Variants in HMBOX1 observed in about 807,000 individuals in gnomAD.
HMBOX1 encodes homeobox-containing protein 1.
In HMBOX1, 14 loss-of-function variants were observed where a neutral mutation model predicts 54.5. That is an observed-to-expected ratio of 0.26 (90% CI 0.17 to 0.40). The LOEUF is 0.40. HMBOX1 is among the 10% of genes least tolerant of loss of function. The pLI, the probability that HMBOX1 is intolerant of heterozygous loss-of-function variation, is 1.00. For synonymous variants in HMBOX1, 160 were observed against 181.0 expected (o/e 0.88, Z 0.93); for missense variants, 332 against 514.4 (o/e 0.65, Z 3.43).
At chr8:28,950,913 C>A in intron 1 of HMBOX1, among the ~76,000 whole-genome samples, 1 of 152,142 alleles carries the variant, frequency 6.6e-6, no homozygotes, top group East Asian at 1.9e-4. Flanking sequence ...GTAATCAAGA[C>A]CTATAATTCC....
chr8:29,003,591 T>C (rs964903188), intron 4 of HMBOX1, among the ~76,000 whole-genome samples: 25 of 141,422 alleles, frequency 1.8e-4, no homozygotes, highest in African/African-American at 6.5e-4. Flanking sequence ...TGCATATTTT[T>C]CTGTATTAAA....
chr8:29,041,605 G>A (rs1054076568), intron 6 of HMBOX1, among the ~76,000 whole-genome samples: 3 of 152,002 alleles, frequency 2.0e-5, no homozygotes, highest in South Asian at 4.1e-4. Context: ...GGGATTCATA[G>A]GGCAAAAAAA....
chr8:28,918,720 C>T (rs185640051), intron 1 of HMBOX1, among the ~76,000 whole-genome samples: 50 of 152,242 alleles, frequency 3.3e-4, no homozygotes, highest in East Asian at 3.1e-3. Flanking sequence ...ACCAGCACGC[C>T]GAGTTTAAGT....
intron 9 of HMBOX1, 138 bp downstream of exon 9, chr8:29,049,186 G>T: frequency 6.7e-7 from 1 of 1,501,634 alleles, no homozygotes; most frequent in African/African-American, 1.4e-5. Flanking sequence ...CCTGTGTCTA[G>T]TTAGATTTCA....
chr8:29,006,386 C>T (rs907324290), intron 4 of HMBOX1, among the ~76,000 whole-genome samples: 1 of 152,106 alleles, frequency 6.6e-6, no homozygotes, highest in Non-Finnish European at 1.5e-5. Flanking sequence ...TTTGAACATA[C>T]TTCTATTGAG....
rs1827193449 is a variant in HMBOX1 at position 28,970,457 on chromosome 8, A to G, written c.438A>G (p.Ser146=). 6.2e-7 allele frequency: 1 copy of G among 1,613,922 alleles called. No homozygotes were observed. Among genetic ancestry groups the G allele is most frequent in the Non-Finnish European group, 8.5e-7 (1 of 1,179,990 alleles). Residue 146 remains serine, a synonymous_variant, in exon 3 of 10, where the codon TCA becomes TCG. Transcript: ENST00000287701. This position sits in a 1 kb window ranked among gnomAD's most constrained non-coding sequence, Gnocchi z 4.3. ...ATGCAAACAGCATGGGTCAGAGGTC[A>G]TACAGTTTTGAAGCCTCAGAAGAGG... ...RYHANSMGQR[S]YSFEASEEDL...
At chr8:28,936,330 C>A (rs1337655829) in intron 1 of HMBOX1, among the ~76,000 whole-genome samples, 2 of 151,982 alleles carry the variant, frequency 1.3e-5, no homozygotes, top group African/African-American at 4.8e-5. Flanking sequence ...CAGTCCCTTT[C>A]ACCAGTATTA....
At chr8:28,898,539 A>G (rs940948201) in intron 1 of HMBOX1, among the ~76,000 whole-genome samples, 1 of 152,200 alleles carries the variant, frequency 6.6e-6, no homozygotes, top group African/African-American at 2.4e-5. Flanking sequence ...AATGGGAGAA[A>G]CGTTAGGAAT....
At chr8:29,007,642 C>T (rs1833652599) in intron 4 of HMBOX1, among the ~76,000 whole-genome samples, 1 of 151,990 alleles carries the variant, frequency 6.6e-6, no homozygotes. Context: ...CATTGTGAGA[C>T]CCTGTCTCTA....
At chr8:28,961,871 G>A (rs1030732954) in intron 1 of HMBOX1, among the ~76,000 whole-genome samples, 1 of 148,888 alleles carries the variant, frequency 6.7e-6, no homozygotes, top group African/African-American at 2.5e-5. Context: ...ATAAATAATA[G>A]GCATTCGAAT....
chr8:28,918,286 C>G (rs1313171422), intron 1 of HMBOX1, among the ~76,000 whole-genome samples: 3 of 152,226 alleles, frequency 2.0e-5, no homozygotes, highest in Admixed American at 6.5e-5. Flanking sequence ...TCACCACAAC[C>G]TCTGCCTCCC....
At chr8:29,009,289 T>C in intron 5 of HMBOX1, 107 bp downstream of exon 5, 2 of 1,082,200 alleles carry the variant, frequency 1.8e-6, no homozygotes, top group Non-Finnish European at 2.7e-6. Flanking sequence ...TTTCATACTT[T>C]ACTATGGTTG....
intron 6 of HMBOX1, among the ~76,000 whole-genome samples, chr8:29,030,183 T>G (rs1802716717): frequency 6.6e-6 from 1 of 151,734 alleles, no homozygotes; most frequent in Non-Finnish European, 1.5e-5. Flanking sequence ...GTTCCAGTTT[T>G]TTTTTTTTTT....
intron 6 of HMBOX1, among the ~76,000 whole-genome samples, chr8:29,023,729 G>A (rs1257400858): frequency 6.6e-6 from 1 of 152,126 alleles, no homozygotes; most frequent in Non-Finnish European, 1.5e-5. Context: ...AGATTGATCA[G>A]TGAATTCAGT....
At chr8:28,981,770 G>A (rs1829373707) in intron 4 of HMBOX1, among the ~76,000 whole-genome samples, 1 of 151,932 alleles carries the variant, frequency 6.6e-6, no homozygotes, top group African/African-American at 2.4e-5. Context: ...CATTTCTTGA[G>A]CATATCTAAA....
At chr8:28,907,806 G>A (rs1197628998) in intron 1 of HMBOX1, among the ~76,000 whole-genome samples, 3 of 151,476 alleles carry the variant, frequency 2.0e-5, no homozygotes, top group Non-Finnish European at 4.4e-5. Flanking sequence ...TTGGGACATC[G>A]TGTTGTATAC....
chr8:28,970,720 T>C lies in HMBOX1; in HGVS notation c.500+201T>C. 1 of 480,766 alleles carries C rather than the reference T, an allele frequency of 2.1e-6. No individual in the cohort carries two copies. Among genetic ancestry groups the C allele is most frequent in the Non-Finnish European group, 3.6e-6 (1 of 274,844 alleles). The allele number at this position is 480,766 out of a possible 1,614,324, so 29.8% of individuals were successfully genotyped here. ...TGTTTTTAATTTAAATTTTCTCTTCTTTACTTCAGCCCTTTCTCTTTGCTG... is the reference window on the plus strand; with the variant it reads ...TGTTTTTAATTTAAATTTTCTCTTCCTTACTTCAGCCCTTTCTCTTTGCTG... On this transcript the variant is annotated intron_variant, in intron 3 of 9. Transcript: ENST00000287701. This position sits in a 1 kb window ranked among gnomAD's most constrained non-coding sequence, Gnocchi z 4.3.
chr8:28,951,626 G>T (rs1823429803), intron 1 of HMBOX1, among the ~76,000 whole-genome samples: 1 of 152,202 alleles, frequency 6.6e-6, no homozygotes, highest in Non-Finnish European at 1.5e-5. Context: ...TATCATACAT[G>T]TTTAATCAGT....
At chr8:28,954,773 A>T (rs1010851614) in intron 1 of HMBOX1, among the ~76,000 whole-genome samples, 3 of 152,204 alleles carry the variant, frequency 2.0e-5, no homozygotes, top group African/African-American at 7.2e-5. Flanking sequence ...ATGAAGAAGG[A>T]TGGATGACAA....
Sources: gnomAD v4.1 joint callset for allele counts (sites outside exome capture counted in the v4.1 genomes callset) on GRCh38, gnomAD v4.1.1 for gene constraint, Gnocchi (gnomAD v3.1) non-coding constraint, MANE v1.5 for transcripts, NCBI Gene and HGNC (gene_info 2026-07-23, HGNC 2026-07-21) for gene names.